Variants in PARP8 observed in about 807,000 individuals in gnomAD.
PARP8 encodes protein mono-ADP-ribosyltransferase PARP8.
A neutral mutation model predicts 124.1 loss-of-function variants in PARP8; 51 were observed. The observed-to-expected ratio is 0.41, with a 90% CI of 0.33 to 0.52. The LOEUF (loss-of-function observed/expected upper bound fraction) is 0.52. Among genes scored for constraint, PARP8 ranks in the 20% least tolerant of loss-of-function variants. PARP8 has a pLI of 0.21. For synonymous variants in PARP8, 391 were observed against 361.5 expected, an observed-to-expected ratio of 1.08 and a Z score of -0.93; for missense variants, 860 against 1,018.9, an observed-to-expected ratio of 0.84 and a Z score of 2.12.
At position 50,794,348 on chromosome 5, in the gene PARP8, C is replaced by T; in HGVS notation, c.863+16C>T. On this transcript the variant is annotated intron_variant, in intron 11 of 25. Transcript: ENST00000281631. ...CTTTGCGCAGGTTGGTAACAGGCAA[C>T]TTCGTCATTGTCTTACTGAATGCTG... 6.2e-7 allele frequency: 1 copy of T among 1,611,272 alleles called. No individual in the cohort carries two copies. Among genetic ancestry groups the T allele is most frequent in the Non-Finnish European group, 8.5e-7 (1 of 1,178,340 alleles).
intron 14 of PARP8, among the ~76,000 whole-genome samples, chr5:50,800,082 T>G (rs1743033419): frequency 6.6e-6 from 1 of 152,228 alleles, no homozygotes; most frequent in South Asian, 2.1e-4. Flanking sequence ...ACCAGATCAT[T>G]TTATTTATTT....
intron 2 of PARP8, among the ~76,000 whole-genome samples, chr5:50,738,643 C>T (rs1757714004): frequency 6.6e-6 from 1 of 151,188 alleles, no homozygotes; most frequent in African/African-American, 2.4e-5. Flanking sequence ...CTTTTGGCTT[C>T]CCTGGGCCAC....
intron 2 of PARP8, among the ~76,000 whole-genome samples, chr5:50,746,912 C>T (rs931288161): frequency 5.3e-5 from 8 of 151,976 alleles, no homozygotes; most frequent in African/African-American, 1.9e-4. Context: ...ATCTGTAGTC[C>T]AATCTACCCA....
intron 2 of PARP8, among the ~76,000 whole-genome samples, chr5:50,727,210 C>A (rs1301949214): frequency 6.6e-6 from 1 of 152,138 alleles, no homozygotes; most frequent in East Asian, 1.9e-4. Flanking sequence ...CTTTACCCTT[C>A]TTTAGATGAA....
chr5:50,672,924 G>A (rs1412268419), intron 2 of PARP8, among the ~76,000 whole-genome samples: 1 of 152,148 alleles, frequency 6.6e-6, no homozygotes, highest in East Asian at 1.9e-4. Flanking sequence ...CATTATGAAA[G>A]ATCAGACGTG....
intron 14 of PARP8, among the ~76,000 whole-genome samples, chr5:50,800,671 T>C (rs1177440270): frequency 6.6e-6 from 1 of 152,150 alleles, no homozygotes; most frequent in East Asian, 1.9e-4. Context: ...TACTATGTTT[T>C]TCTTTTATGC....
chr5:50,795,420 G>A lies in PARP8; in HGVS notation c.1428+3G>A. ...CATCTTCATCTTCTCAGCTTGCTGT[G>A]CGTAAATATTTTCATCTTGAGTTCT... On this transcript the variant is annotated splice_donor_region_variant and intron_variant, in intron 12 of 25. Coordinates refer to ENST00000281631, the MANE Select transcript of PARP8 (RefSeq NM_024615.4). 1 of 1,566,270 alleles carries A rather than the reference G, an allele frequency of 6.4e-7. No homozygotes were observed. Among genetic ancestry groups the A allele is most frequent in the Non-Finnish European group, 8.6e-7 (1 of 1,160,778 alleles).
intron 14 of PARP8, among the ~76,000 whole-genome samples, chr5:50,810,053 G>A (rs753761147): frequency 4.0e-5 from 6 of 151,868 alleles, no homozygotes; most frequent in African/African-American, 1.5e-4. Context: ...TTCAAATAAC[G>A]TTAAAAATGT....
chr5:50,824,834 T>A, intron 17 of PARP8, 74 bp from the exon 18 acceptor site: 1 of 1,252,258 alleles, frequency 8.0e-7, no homozygotes, highest in African/African-American at 1.5e-5. Flanking sequence ...TATCGTTTGG[T>A]CTGATTTTCC....
chr5:50,705,422 G>A (rs1222460311), intron 2 of PARP8, among the ~76,000 whole-genome samples: 1 of 152,164 alleles, frequency 6.6e-6, no homozygotes, highest in Non-Finnish European at 1.5e-5. Flanking sequence ...TAAACAATGT[G>A]AAGGTGGTAA....
chr5:50,692,651 C>T (rs2149462961), intron 2 of PARP8, among the ~76,000 whole-genome samples: 1 of 152,072 alleles, frequency 6.6e-6, no homozygotes, highest in East Asian at 1.9e-4. Context: ...TTCTCTTTGT[C>T]CCTATGGTTT....
chr5:50,667,416 A>T, intron 1 of PARP8: 2 of 702,612 alleles, frequency 2.8e-6, no homozygotes, highest in Non-Finnish European at 5.2e-6. Context: ...TTGAGGGCAG[A>T]GCCCGCGTGG....
intron 19 of PARP8, among the ~76,000 whole-genome samples, chr5:50,827,422 A>G (rs1449009938): frequency 1.3e-5 from 2 of 152,118 alleles, no homozygotes; most frequent in African/African-American, 2.4e-5. Flanking sequence ...TTCTGCTTTC[A>G]TTTCTTTCCA....
chr5:50,758,269 CTAAA>C (rs1760179197), intron 3 of PARP8, among the ~76,000 whole-genome samples: 1 of 152,082 alleles, frequency 6.6e-6, no homozygotes, highest in South Asian at 2.1e-4. Flanking sequence ...TATTGGAAAA[CTAAA>C]TAAAGCAAAA....
Position 50,843,124 on chromosome 5 carries a change from G to C in PARP8, c.*1056G>C, listed in dbSNP as rs1748341474. On this transcript the variant is annotated 3_prime_UTR_variant, in exon 26 of 26. Coordinates refer to ENST00000281631, the MANE Select transcript of PARP8 (RefSeq NM_024615.4). ...ACTTGATGCTTCTTTTATATTAAAAGACCACAAATAAGTTTATAGAGAACA... is the reference window on the plus strand; with the variant it reads ...ACTTGATGCTTCTTTTATATTAAAACACCACAAATAAGTTTATAGAGAACA... The C allele has an allele frequency of 6.6e-6, 1 of 151,350 alleles. No individual in the cohort carries two copies. The highest frequency in any genetic ancestry group is 1.5e-5 in the Non-Finnish European group (1 of 67,734). The allele number at this position is 151,350 out of a possible 1,614,324, so 9.4% of individuals were successfully genotyped here. A position where few individuals can be genotyped will look rare whatever the true frequency, so the allele number is the denominator to read the frequency against.
intron 2 of PARP8, among the ~76,000 whole-genome samples, chr5:50,717,659 G>A (rs1415833406): frequency 6.6e-6 from 1 of 151,916 alleles, no homozygotes; most frequent in Non-Finnish European, 1.5e-5. Context: ...CAAGAAGATG[G>A]GTTCTGCAGT....
In PARP8 at chr5:50,667,178, T is replaced by G. The variant is rs1749384466; in HGVS notation, c.83T>G (p.Leu28Arg). 1.3e-6 allele frequency: 2 copies of G among 1,596,234 alleles called. No individual in the cohort carries two copies. Among genetic ancestry groups the G allele is most frequent in the African/African-American group, 1.3e-5 (1 of 74,822 alleles). ...IQKSRAEKDC[L>R]FADFRYSDST... ...AAGTCCAGAGCTGAGAAGGACTGCC[T>G]GTTTGCAGGTGAGTTCTTGCTTTTC... Residue 28 changes from leucine to arginine, a missense_variant, in exon 1 of 26, where the codon CTG becomes CGG. Transcript: ENST00000281631.
chr5:50,811,370 A>G (rs1375178279), intron 14 of PARP8, among the ~76,000 whole-genome samples: 1 of 152,060 alleles, frequency 6.6e-6, no homozygotes. Context: ...GTTATTCGTG[A>G]TAGGAAATAG....
chr5:50,718,622 C>T (rs1755558583), intron 2 of PARP8, among the ~76,000 whole-genome samples: 1 of 151,922 alleles, frequency 6.6e-6, no homozygotes, highest in African/African-American at 2.4e-5. Context: ...CCTCCAGTTC[C>T]ATCCATGTTA....
Sources: allele counts gnomAD v4.1 joint callset (sites outside exome capture counted in the v4.1 genomes callset), GRCh38; gene constraint gnomAD v4.1.1; transcripts MANE v1.5; gene names NCBI Gene and HGNC (gene_info 2026-07-23, HGNC 2026-07-21).